Variants in WASF1 observed in about 807,000 individuals in gnomAD.
The protein encoded by WASF1 is WASP family member 1.
In WASF1, 7 loss-of-function variants were observed where a neutral mutation model predicts 50.5. The ratio of observed to expected loss-of-function variants is 0.14; its 90% CI spans 0.08 to 0.26. The LOEUF (loss-of-function observed/expected upper bound fraction) is 0.26, where lower values mean the gene tolerates loss of function less well. Among genes scored for constraint, WASF1 ranks in the 10% least tolerant of loss-of-function variants. The probability of loss-of-function intolerance (pLI) is 1.00; values close to 1 mark genes in which losing one functional copy is unlikely to be tolerated. For synonymous variants in WASF1, 205 were observed against 244.0 expected (o/e 0.84, Z 1.49); for missense variants, 470 against 694.7 (o/e 0.68, Z 3.64).
At chr6:110,131,287 T>C (rs1774656928) in intron 3 of WASF1, among the ~76,000 whole-genome samples, 2 of 152,230 alleles carry the variant, frequency 1.3e-5, no homozygotes. Flanking sequence ...TGTTTTTTCT[T>C]ATAATCTGTA....
chr6:110,153,533 C>CA (rs1775917858), intron 3 of WASF1, among the ~76,000 whole-genome samples: 1 of 152,100 alleles, frequency 6.6e-6, no homozygotes, highest in African/African-American at 2.4e-5. Flanking sequence ...TTGGCATTGT[C>CA]AACCTTTTTA....
chr6:110,127,328 T>G (rs967279690), intron 4 of WASF1, 141 bp downstream of exon 4: 14 of 631,426 alleles, frequency 2.2e-5, no homozygotes, highest in African/African-American at 3.8e-5. Context: ...ATAATTATAC[T>G]CATGTGACTA....
intron 2 of WASF1, among the ~76,000 whole-genome samples, chr6:110,173,354 C>T (rs192136718): frequency 3.9e-5 from 6 of 152,040 alleles, no homozygotes; most frequent in Admixed American, 6.6e-5. Flanking sequence ...CATCATCATC[C>T]AACAGATGTC....
At chr6:110,130,984 T>C (rs1239217247) in intron 3 of WASF1, among the ~76,000 whole-genome samples, 2 of 152,222 alleles carry the variant, frequency 1.3e-5, no homozygotes, top group African/African-American at 4.8e-5. Context: ...TTTGGGTTTT[T>C]CTCTTGGGAA....
At chr6:110,174,314 C>T (rs1447049427) in intron 2 of WASF1, among the ~76,000 whole-genome samples, 1 of 152,096 alleles carries the variant, frequency 6.6e-6, no homozygotes, top group African/African-American at 2.4e-5. Context: ...TTGTTCAACA[C>T]CTGTTTTTTA....
chr6:110,178,994 A>C (rs914292965), intron 1 of WASF1, among the ~76,000 whole-genome samples: 4 of 152,222 alleles, frequency 2.6e-5, no homozygotes, highest in African/African-American at 9.6e-5. Context: ...CGCGGAGCAA[A>C]CACGCAAACG....
At chr6:110,113,039 T>C (rs190360773) in intron 5 of WASF1, among the ~76,000 whole-genome samples, 1 of 151,786 alleles carries the variant, frequency 6.6e-6, no homozygotes, top group Non-Finnish European at 1.5e-5. Context: ...AGAAAGATAA[T>C]GAAGAGAATG....
intron 4 of WASF1, among the ~76,000 whole-genome samples, chr6:110,123,218 G>C (rs1335000516): frequency 6.6e-6 from 1 of 151,756 alleles, no homozygotes; most frequent in Non-Finnish European, 1.5e-5. Flanking sequence ...TAAATTTTAG[G>C]CCAAGTAGCA....
chr6:110,141,568 C>G (rs182275657), intron 3 of WASF1, among the ~76,000 whole-genome samples: 3 of 152,278 alleles, frequency 2.0e-5, no homozygotes, highest in Admixed American at 2.0e-4. Flanking sequence ...TATTTGTTTA[C>G]ACATCCATGC....
At chr6:110,170,871 T>C (rs900793063) in intron 2 of WASF1, among the ~76,000 whole-genome samples, 1 of 152,118 alleles carries the variant, frequency 6.6e-6, no homozygotes, top group African/African-American at 2.4e-5. Flanking sequence ...TGCATTACGA[T>C]AAAGGGGCAA....
chr6:110,113,724 G>A (rs1445486677), intron 4 of WASF1, among the ~76,000 whole-genome samples: 2 of 151,902 alleles, frequency 1.3e-5, no homozygotes, highest in African/African-American at 2.4e-5. Context: ...TGAAAATTTT[G>A]GAGATTTGAG....
intron 5 of WASF1, among the ~76,000 whole-genome samples, chr6:110,109,572 G>A (rs1216985491): frequency 7.2e-6 from 1 of 139,202 alleles, no homozygotes; most frequent in Non-Finnish European, 1.5e-5. Flanking sequence ...TTTTTTTTGA[G>A]ACAGAGTCTC....
At chr6:110,160,391 G>A (rs981562613) in intron 3 of WASF1, among the ~76,000 whole-genome samples, 1 of 151,698 alleles carries the variant, frequency 6.6e-6, no homozygotes, top group Non-Finnish European at 1.5e-5. Flanking sequence ...GAATAAGAAA[G>A]GTTTTGAGCC....
At chr6:110,116,117 G>A (rs1488487994) in intron 4 of WASF1, among the ~76,000 whole-genome samples, 1 of 152,312 alleles carries the variant, frequency 6.6e-6, no homozygotes, top group South Asian at 2.1e-4. Flanking sequence ...CGAAACTGAT[G>A]CAGAAGACGG....
intron 2 of WASF1, among the ~76,000 whole-genome samples, chr6:110,177,668 A>T (rs1023323055): frequency 1.3e-5 from 2 of 152,202 alleles, no homozygotes; most frequent in Non-Finnish European, 1.5e-5. Context: ...TTTCCTAACC[A>T]AGCAACTAAT....
chr6:110,145,183 C>T lies in WASF1; in HGVS notation c.-29+15452G>A, dbSNP rs369474758. On this transcript the variant is annotated intron_variant, in intron 3 of 10. Transcript: ENST00000392589. ...TTGAAGAGGTCCTTCACATCCCTTG[C>T]AAGTTGGATTCCTAGGTATTTTATT... Among the ~76,000 whole-genome samples, 834 of 152,076 alleles carry T rather than the reference C, an allele frequency of 5.5e-3. 5 individuals carry two copies. Among genetic ancestry groups the T allele is most frequent in the African/African-American group, 0.019 (783 of 41,442 alleles).
chr6:110,148,725 C>T (rs182037461), intron 3 of WASF1, among the ~76,000 whole-genome samples: 8 of 152,250 alleles, frequency 5.3e-5, no homozygotes, highest in African/African-American at 1.7e-4. Context: ...ATTCTAATTG[C>T]TCTATGGAGA....
chr6:110,150,959 C>T (rs1775796422), intron 3 of WASF1, among the ~76,000 whole-genome samples: 1 of 152,150 alleles, frequency 6.6e-6, no homozygotes, highest in Non-Finnish European at 1.5e-5. Flanking sequence ...ATCACTTGAA[C>T]CCAGGAGGCG....
In WASF1 at chr6:110,160,941, T is replaced by C. The variant is rs532326543; in HGVS notation, c.-126-209A>G. On this transcript the variant is annotated intron_variant, in intron 2 of 10. Transcript: ENST00000392589. ...CTCATTAATCATATTCTACCAATTATGAATTTGAAATTATCTCGATGAAAT... is the reference window on the plus strand; with the variant it reads ...CTCATTAATCATATTCTACCAATTACGAATTTGAAATTATCTCGATGAAAT... Among the ~76,000 whole-genome samples, 11 of 151,656 alleles carry C rather than the reference T, an allele frequency of 7.3e-5. No homozygotes were observed. In the East Asian group the frequency reaches 1.4e-3, roughly 19 times the overall value.
Sources: allele counts gnomAD v4.1 joint callset (sites outside exome capture counted in the v4.1 genomes callset), GRCh38; gene constraint gnomAD v4.1.1; transcripts MANE v1.5; gene names NCBI Gene and HGNC (gene_info 2026-07-23, HGNC 2026-07-21).